Variants in ITGA9 observed in about 807,000 individuals in gnomAD.
ITGA9 encodes integrin subunit alpha 9.
A neutral mutation model predicts 127.8 loss-of-function variants in ITGA9; 56 were observed. The observed-to-expected ratio is 0.44, with a 90% CI of 0.35 to 0.55. The LOEUF is 0.55. Among genes scored for constraint, ITGA9 ranks in the 20% least tolerant of loss-of-function variants. ITGA9 has a pLI of 0.00. For missense variants in ITGA9, 1,196 were observed against 1,347.1 expected, an observed-to-expected ratio of 0.89 and a Z score of 1.76; for synonymous variants, 508 against 514.5, an observed-to-expected ratio of 0.99 and a Z score of 0.17.
rs1697492837 is a variant in ITGA9, at chr3:37,819,984, T to C, written c.*995T>C. The C allele has an allele frequency of 6.6e-6, 1 of 152,230 alleles. No individual in the cohort carries two copies. The highest frequency in any genetic ancestry group is 1.5e-5 in the Non-Finnish European group (1 of 68,044). The allele number at this position is 152,230 out of a possible 1,614,324, so 9.4% of individuals were successfully genotyped here. On this transcript the variant is annotated 3_prime_UTR_variant, in exon 28 of 28. Coordinates refer to ENST00000264741, the MANE Select transcript of ITGA9 (RefSeq NM_002207.3). ...GAGATCTTCATTTCCCCTACCACCCTGGCTGTCCCAGCTAGTGGTGATTGC... is the reference window on the plus strand; with the variant it reads ...GAGATCTTCATTTCCCCTACCACCCCGGCTGTCCCAGCTAGTGGTGATTGC...
chr3:37,724,844 G>T (rs975418296), intron 18 of ITGA9, among the ~76,000 whole-genome samples: 1 of 152,162 alleles, frequency 6.6e-6, no homozygotes. Context: ...TTCTGTGTCT[G>T]ACATCTTGTA....
intron 17 of ITGA9, among the ~76,000 whole-genome samples, chr3:37,658,064 T>G (rs573869312): frequency 5.3e-4 from 81 of 152,010 alleles, no homozygotes; most frequent in African/African-American, 1.9e-3. Context: ...GAGACTGTTA[T>G]GATTTCTGTT....
chr3:37,819,757 A>G lies in ITGA9; in HGVS notation c.*768A>G, dbSNP rs1484176474. 6.6e-6 allele frequency: 1 copy of G among 152,082 alleles called. No individual in the cohort carries two copies. Among genetic ancestry groups the G allele is most frequent in the Non-Finnish European group, 1.5e-5 (1 of 68,084 alleles). The allele number at this position is 152,082 out of a possible 1,614,324, so 9.4% of individuals were successfully genotyped here. A position where few individuals can be genotyped will look rare whatever the true frequency, so the allele number is the denominator to read the frequency against. Reference sequence around the variant, plus strand: ...TCTGTATCACCTTTATATAGCAGACATGTCACCCTGCTTCTACACAGATGA... The same window carrying G: ...TCTGTATCACCTTTATATAGCAGACGTGTCACCCTGCTTCTACACAGATGA... On this transcript the variant is annotated 3_prime_UTR_variant, in exon 28 of 28. Coordinates refer to ENST00000264741, the MANE Select transcript of ITGA9 (RefSeq NM_002207.3).
chr3:37,604,952 C>T (rs1029769060), intron 15 of ITGA9, among the ~76,000 whole-genome samples: 3 of 152,036 alleles, frequency 2.0e-5, no homozygotes, highest in South Asian at 2.1e-4. Context: ...TTTGATGGGC[C>T]GGCTATTCAG....
At chr3:37,660,104 G>A (rs1207086161) in intron 17 of ITGA9, among the ~76,000 whole-genome samples, 1 of 152,022 alleles carries the variant, frequency 6.6e-6, no homozygotes, top group Non-Finnish European at 1.5e-5. Flanking sequence ...CACACGTTTT[G>A]CCAAGCTTAC....
intron 18 of ITGA9, among the ~76,000 whole-genome samples, chr3:37,722,619 G>A (rs1701201896): frequency 6.6e-6 from 1 of 152,224 alleles, no homozygotes; most frequent in Non-Finnish European, 1.5e-5. Context: ...AATGTTTTCA[G>A]AGTTCATTTG....
chr3:37,455,406 G>A (rs1050990796), intron 1 of ITGA9, among the ~76,000 whole-genome samples: 8 of 152,208 alleles, frequency 5.3e-5, no homozygotes, highest in Admixed American at 1.3e-4. Context: ...TTACCAAAGT[G>A]CCAGTGAAGT....
intron 22 of ITGA9, among the ~76,000 whole-genome samples, chr3:37,747,574 C>T (rs1430578630): frequency 1.4e-5 from 2 of 146,696 alleles, no homozygotes; most frequent in African/African-American, 5.0e-5. Context: ...CTCTGGTTAG[C>T]ATCCCTCTAC....
chr3:37,546,997 G>A (rs938028023), intron 15 of ITGA9, among the ~76,000 whole-genome samples: 5 of 152,182 alleles, frequency 3.3e-5, no homozygotes, highest in African/African-American at 1.2e-4. Flanking sequence ...TTCAGGACCA[G>A]GGAAACGATG....
At chr3:37,686,744 G>A (rs1700785920) in intron 18 of ITGA9, among the ~76,000 whole-genome samples, 1 of 152,206 alleles carries the variant, frequency 6.6e-6, no homozygotes, top group Admixed American at 6.5e-5. Context: ...TAGCTGCTGT[G>A]GAGGCAGGGC....
intron 15 of ITGA9, among the ~76,000 whole-genome samples, chr3:37,563,265 A>G (rs1699512201): frequency 6.6e-6 from 1 of 152,206 alleles, no homozygotes; most frequent in Admixed American, 6.5e-5. Context: ...TACCTGTCAG[A>G]TCATATAACC....
intron 22 of ITGA9, among the ~76,000 whole-genome samples, chr3:37,746,660 A>G (rs1368024034): frequency 1.1e-4 from 17 of 148,546 alleles, no homozygotes. Context: ...GTTTCTTTTT[A>G]ATTCTGTGCA....
Position 37,746,089 on chromosome 3 carries a change from A to G in ITGA9, c.2433+2055A>G, listed in dbSNP as rs749440252. The G allele has an allele frequency of 2.6e-4, 40 of 152,256 alleles. 1 individual carries two copies. The highest frequency in any genetic ancestry group is 1.6e-4 in the Non-Finnish European group (11 of 68,046). 9.4% of individuals were successfully genotyped at this position (152,256 alleles called of 1,614,324 possible). On this transcript the variant is annotated intron_variant, in intron 22 of 27. Coordinates refer to ENST00000264741, the MANE Select transcript of ITGA9 (RefSeq NM_002207.3). The stretch of plus-strand genomic sequence containing the variant: ...ATGGTTGTTATTGTGGTTGTCCTGC[A>G]GGAAGGTCACTAACCAGCTTGGCAG...
chr3:37,614,659 T>C (rs1200438394), intron 15 of ITGA9, among the ~76,000 whole-genome samples: 91 of 152,158 alleles, frequency 6.0e-4, no homozygotes, highest in Non-Finnish European at 1.0e-3. Flanking sequence ...GGTTTGTAGT[T>C]CTCCTTGAGG....
At chr3:37,736,864 A>C in intron 19 of ITGA9, 40 bp from the exon 20 acceptor site, 1 of 1,322,704 alleles carries the variant, frequency 7.6e-7, no homozygotes, top group Non-Finnish European at 1.1e-6. Context: ...TTAAGTTTGG[A>C]ATGCCTGCTG....
chr3:37,605,137 G>A (rs1699956257), intron 15 of ITGA9, among the ~76,000 whole-genome samples: 1 of 152,186 alleles, frequency 6.6e-6, no homozygotes, highest in African/African-American at 2.4e-5. Flanking sequence ...GTTGGTCAGG[G>A]AAGCATTGCA....
chr3:37,674,659 C>T (rs1700665560), intron 17 of ITGA9, among the ~76,000 whole-genome samples: 1 of 152,168 alleles, frequency 6.6e-6, no homozygotes, highest in Non-Finnish European at 1.5e-5. Flanking sequence ...CATGAGCACA[C>T]CTACCTTTAA....
At chr3:37,499,674 C>T (rs1253497831) in intron 5 of ITGA9, among the ~76,000 whole-genome samples, 2 of 152,180 alleles carry the variant, frequency 1.3e-5, no homozygotes, top group African/African-American at 4.8e-5. Flanking sequence ...CTGTCCCTCC[C>T]TTCAGCCTCA....
At chr3:37,567,545 A>G (rs1280932902) in intron 15 of ITGA9, among the ~76,000 whole-genome samples, 1 of 152,198 alleles carries the variant, frequency 6.6e-6, no homozygotes, top group Admixed American at 6.5e-5. Flanking sequence ...CCAAAGTCTC[A>G]TATGAGACAA....
Sources: allele counts gnomAD v4.1 joint callset (sites outside exome capture counted in the v4.1 genomes callset), GRCh38; gene constraint gnomAD v4.1.1; transcripts MANE v1.5; gene names NCBI Gene and HGNC (gene_info 2026-07-23, HGNC 2026-07-21).